Variants in RNF6 observed in about 807,000 individuals in gnomAD.
RNF6 encodes the protein E3 ubiquitin-protein ligase RNF6.
RNF6 carries 21 observed loss-of-function variants against 50.1 expected under a neutral mutation model. The observed-to-expected ratio is 0.42, with a 90% CI of 0.30 to 0.60. RNF6 has a LOEUF of 0.60. Among genes scored for constraint, RNF6 ranks in the 20% least tolerant of loss-of-function variants. RNF6 has a pLI of 0.20. For synonymous variants in RNF6, 255 were observed against 291.8 expected (o/e 0.87, Z 1.29); for missense variants, 698 against 838.2 (o/e 0.83, Z 2.07).
At chr13:26,207,879 A>C (rs1442783327), downstream of RNF6, among the ~76,000 whole-genome samples, 3 of 152,242 alleles carry the variant, frequency 2.0e-5, no homozygotes, top group African/African-American at 4.8e-5. Context: ...GATGCAGAGC[A>C]GACTTTTCTG....
intron 5 of RNF6, among the ~76,000 whole-genome samples, chr13:26,136,508 T>C (rs1870653157): frequency 6.6e-6 from 1 of 152,198 alleles, no homozygotes; most frequent in Non-Finnish European, 1.5e-5. Context: ...AACATTTACC[T>C]TGCCAGATTT....
At position 26,173,716 on chromosome 13, in the gene RNF6, G is replaced by T. The variant is rs899082016; in HGVS notation, n.769-41265C>A. On this transcript the variant is annotated intron_variant and non_coding_transcript_variant, in intron 5 of 5. Transcript: ENST00000468480. ...TGGAAAAAAAAAAAGCATTTGGGAG[G>T]CCAAGGCAGGCAGATCACAAGGTCA... Among the ~76,000 whole-genome samples, 6 of 151,876 alleles carry T rather than the reference G, an allele frequency of 4.0e-5. No homozygotes were observed. The East Asian group carries it at 1.2e-3, about 29-fold the overall frequency.
chr13:26,206,058 C>A (rs1869092552), intron 5 of RNF6, among the ~76,000 whole-genome samples: 1 of 152,166 alleles, frequency 6.6e-6, no homozygotes, highest in African/African-American at 2.4e-5. Flanking sequence ...GAGCTTAATG[C>A]AGCATTAAAG....
chr13:26,220,961 C>T (rs965934978), intron 2 of RNF6, among the ~76,000 whole-genome samples: 4 of 152,180 alleles, frequency 2.6e-5, no homozygotes, highest in Non-Finnish European at 5.9e-5. Context: ...ATTTTTTTCA[C>T]TGTGGTTATT....
At chr13:26,201,476 G>A (rs924799177) in intron 5 of RNF6, among the ~76,000 whole-genome samples, 3 of 152,084 alleles carry the variant, frequency 2.0e-5, no homozygotes, top group Non-Finnish European at 4.4e-5. Context: ...GGAGGCAGAA[G>A]ATAAATGGTG....
chr13:26,140,336 G>A (rs746979255), intron 5 of RNF6, among the ~76,000 whole-genome samples: 5 of 152,164 alleles, frequency 3.3e-5, no homozygotes, highest in Admixed American at 1.3e-4. Context: ...AGACTCCAGC[G>A]CAGCCATGTG....
chr13:26,171,206 A>G (rs1270731970), intron 5 of RNF6, among the ~76,000 whole-genome samples: 1 of 152,178 alleles, frequency 6.6e-6, no homozygotes, highest in African/African-American at 2.4e-5. Flanking sequence ...CAGCTAAACA[A>G]TCCAATTCAA....
upstream of RNF6, chr13:26,222,425 C>T: frequency 6.6e-6 from 1 of 152,404 alleles, no homozygotes; most frequent in Non-Finnish European, 1.5e-5. Context: ...GCTCAGCGCT[C>T]GTGGCAGCCG....
In RNF6 at chr13:26,214,305, T is replaced by C. The variant is rs1052690486; in HGVS notation, c.1577A>G (p.Asp526Gly). 5 of 1,614,064 alleles carry C rather than the reference T, an allele frequency of 3.1e-6. No homozygotes were observed. The highest frequency in any genetic ancestry group is 2.7e-5 in the African/African-American group (2 of 74,928). ...TTCCCTGTGCTGGCTCCTGTTGTTA[T>C]CTGTACCTAAGTTACTCAGTTCTGA... Reference protein sequence around the residue: ...MHSELSNLGTDNNRSQHREGS... With the variant: ...MHSELSNLGTGNNRSQHREGS... The change falls in exon 5 of 5, where the codon GAT becomes GGT. Residue 526 changes from aspartate (D) to glycine (G), a missense_variant. By Grantham distance (94) the Asp-to-Gly change is moderately conservative. Transcript: ENST00000381588.
chr13:26,172,162 G>T (rs947165108), intron 5 of RNF6, among the ~76,000 whole-genome samples: 1 of 152,192 alleles, frequency 6.6e-6, no homozygotes, highest in African/African-American at 2.4e-5. Context: ...CCAAGGGAAA[G>T]TGAGCATATA....
rs564580554 is a variant in RNF6 at position 26,145,513 on chromosome 13, A to G, written n.769-13062T>C. Among the ~76,000 whole-genome samples, 14 of 152,076 alleles carry G rather than the reference A, an allele frequency of 9.2e-5. No homozygotes were observed. In the East Asian group the frequency reaches 2.7e-3, roughly 30 times the overall value. ...GTTCTCCTGAGATCTGCTTGTTTAA[A>G]AGTACATAGCACCTCCCCTTCCTTC... On this transcript the variant is annotated intron_variant and non_coding_transcript_variant, in intron 5 of 5. Coordinates refer to the RNF6 transcript ENST00000468480.
At chr13:26,142,190 A>AAC (rs1398017153) in intron 5 of RNF6, 1 of 152,180 alleles carries the variant, frequency 6.6e-6, no homozygotes, top group Non-Finnish European at 1.5e-5. Context: ...AAGATCTCAC[A>AAC]ACAGTCAGAA....
chr13:26,153,182 A>G (rs763642365), intron 5 of RNF6, among the ~76,000 whole-genome samples: 1 of 149,820 alleles, frequency 6.7e-6, no homozygotes, highest in Non-Finnish European at 1.5e-5. Flanking sequence ...AAAAGACTAA[A>G]GATGTAAGAT....
At chr13:26,217,785 T>C (rs1243712083) in intron 4 of RNF6, among the ~76,000 whole-genome samples, 2 of 152,244 alleles carry the variant, frequency 1.3e-5, no homozygotes, top group Admixed American at 1.3e-4. Context: ...CACATGTGGC[T>C]AGCAGCTACT....
chr13:26,144,133 T>TGA (rs144883528), intron 5 of RNF6, among the ~76,000 whole-genome samples: 14,241 of 152,062 alleles, frequency 0.094, 837 homozygotes, highest in African/African-American at 0.17. Flanking sequence ...GGGCACTCAG[T>TGA]GACGGCCAAT....
Position 26,214,014 on chromosome 13 carries a change from C to T in RNF6, c.1868G>A (p.Ser623Asn), listed in dbSNP as rs17083436. 9.2e-3 allele frequency: 14,793 copies of T among 1,614,098 alleles called. 1,080 individuals carry two copies. The African/African-American group carries it at 0.17, about 18-fold the overall frequency. ...NLSTRHYEHN[S>N]IDSELGKICS... ...GATTTTACCTAGTTCACTATCAATA[C>T]TGTTATGCTCATAGTGCCTGGTGGA... Residue 623 changes from serine (S) to asparagine (N), a missense_variant, in exon 5 of 5, where the codon AGT becomes AAT. Physicochemically the swap from Ser to Asn is conservative, Grantham distance 46. Coordinates refer to ENST00000381588, the MANE Select transcript of RNF6 (RefSeq NM_005977.4).
At chr13:26,192,045 G>A (rs9507682) in intron 5 of RNF6, among the ~76,000 whole-genome samples, 68,492 of 152,088 alleles carry the variant, frequency 0.45, 18,377 homozygotes, top group East Asian at 0.69. Flanking sequence ...CTGAAGTTAA[G>A]TGAGCAGAGG....
intron 5 of RNF6, among the ~76,000 whole-genome samples, chr13:26,134,255 G>A (rs578148927): frequency 3.2e-4 from 49 of 152,364 alleles, no homozygotes; most frequent in Non-Finnish European, 6.5e-4. Flanking sequence ...TGGCAGAAAT[G>A]AAAGTCCTGG....
At chr13:26,132,735 T>C (rs1403410817) in intron 5 of RNF6, among the ~76,000 whole-genome samples, 1 of 152,262 alleles carries the variant, frequency 6.6e-6, no homozygotes, top group Non-Finnish European at 1.5e-5. Flanking sequence ...GTAATCACCA[T>C]GACCGTATAA....
Sources: gnomAD v4.1 joint callset for allele counts (sites outside exome capture counted in the v4.1 genomes callset) on GRCh38, gnomAD v4.1.1 for gene constraint, MANE v1.5 for transcripts, NCBI Gene and HGNC (gene_info 2026-07-23, HGNC 2026-07-21) for gene names.